NCOR2: variants seen among roughly 807,000 people sequenced by gnomAD.
The protein encoded by NCOR2 is CTG repeat protein 26.
In NCOR2, 81 loss-of-function variants were observed where a neutral mutation model predicts 262.9. The ratio of observed to expected loss-of-function variants is 0.31; its 90% CI spans 0.26 to 0.37. The LOEUF (loss-of-function observed/expected upper bound fraction) is 0.37, where lower values mean the gene tolerates loss of function less well. Ranked by LOEUF, NCOR2 falls within the 10% of genes least tolerant of loss-of-function variation. The pLI is 1.00. For synonymous variants in NCOR2, 1,659 were observed against 1,559.3 expected (o/e 1.06, Z -1.51); for missense variants, 3,385 against 3,621.4 (o/e 0.93, Z 1.68).
Position 124,483,531 on chromosome 12 carries a change from C to T in NCOR2, c.411+65G>A, listed in dbSNP as rs2047614655. On this transcript the variant is annotated intron_variant, in intron 3 of 46. Transcript: ENST00000405201. The surrounding 1 kb of genome is among the most constrained non-coding windows in gnomAD (Gnocchi z 6.3). ...CTGCACCCCTACCCACCACCTCCCA[C>T]CCAGCCCAACCAGCAGCAGAACCTC... The T allele has an allele frequency of 1.4e-6, 2 of 1,456,136 alleles. No individual in the cohort carries two copies. The highest frequency in any genetic ancestry group is 1.8e-6 in the Non-Finnish European group (2 of 1,099,756). The allele number at this position is 1,456,136 out of a possible 1,614,324, so 90.2% of individuals were successfully genotyped here.
intron 10 of NCOR2, among the ~76,000 whole-genome samples, chr12:124,427,155 G>T (rs1040626420): frequency 6.6e-6 from 1 of 152,178 alleles, no homozygotes; most frequent in African/African-American, 2.4e-5. Flanking sequence ...CAGGGAGCCC[G>T]GGAGACAGGC....
chr12:124,374,498 C>T (rs756898765), intron 18 of NCOR2, 35 bp from the exon 21 acceptor site: 91 of 1,602,608 alleles, frequency 5.7e-5, no homozygotes, highest in Non-Finnish European at 6.8e-5. Flanking sequence ...AGAAGTGAGG[C>T]AGCACCAAGT....
intron 1 of NCOR2, chr12:124,529,763 G>C (rs551995107): frequency 6.6e-6 from 1 of 152,206 alleles, no homozygotes; most frequent in Non-Finnish European, 1.5e-5. Context: ...AAATGTAATC[G>C]CATGTGCATT....
chr12:124,501,209 C>CCTCCA (rs2048714850), intron 1 of NCOR2, among the ~76,000 whole-genome samples: 1 of 152,084 alleles, frequency 6.6e-6, no homozygotes, highest in Non-Finnish European at 1.5e-5. Context: ...ACTGTCCCAG[C>CCTCCA]CTGGCCCTGC....
chr12:124,355,522 C>T (rs368708782), exon 24 of NCOR2: 69 of 1,602,166 alleles, frequency 4.3e-5, no homozygotes, highest in South Asian at 1.0e-4. Context: ...TGGGTGGGCG[C>T]GGCAGGACGG....
intron 34 of NCOR2, among the ~76,000 whole-genome samples, chr12:124,341,378 T>C (rs1702333): frequency 0.59 from 89,389 of 151,934 alleles, 28,485 homozygotes; most frequent in Non-Finnish European, 0.72. Context: ...TAGCTGGGAC[T>C]ACAGGTGCGC....
Position 124,531,596 on chromosome 12 carries a change from AGGAGGATGGCAGAGAGG to A in NCOR2, c.-118+3952_-118+3968del. On this transcript the variant is annotated intron_variant, in intron 1 of 46. Transcript: ENST00000404621. The surrounding 1 kb of genome is among the most constrained non-coding windows in gnomAD (Gnocchi z 4.5). The stretch of plus-strand genomic sequence containing the variant: ...AGCATCCAGGCTGGGAAGGAGAGAG[AGGAGGATGGCAGAGAGG>A]GAAGGGTGGTGGCGCAGACAGGGAA... Among the ~76,000 whole-genome samples the A allele has an allele frequency of 6.6e-6, 1 of 151,872 alleles. No individual in the cohort carries two copies. The highest frequency in any genetic ancestry group is 1.5e-5 in the Non-Finnish European group (1 of 67,882).
chr12:124,380,352 G>A (rs1269761077), intron 17 of NCOR2, among the ~76,000 whole-genome samples: 1 of 152,218 alleles, frequency 6.6e-6, no homozygotes, highest in Non-Finnish European at 1.5e-5. Context: ...TGGAACGCAG[G>A]GAGGAAAAGG....
chr12:124,490,376 G>T (rs79331681), intron 1 of NCOR2, among the ~76,000 whole-genome samples: 85 of 152,170 alleles, frequency 5.6e-4, no homozygotes, highest in African/African-American at 2.0e-3. Context: ...CCTGGAAGAG[G>T]ACGGGCCCGA....
intron 34 of NCOR2, among the ~76,000 whole-genome samples, chr12:124,341,566 C>T (rs2036461353): frequency 6.6e-6 from 1 of 152,202 alleles, no homozygotes; most frequent in South Asian, 2.1e-4. Context: ...CCTGAGGCCC[C>T]TGTATCCTAA....
intron 40 of NCOR2, chr12:124,334,917 C>G (rs2035745692): frequency 2.9e-6 from 2 of 684,134 alleles, no homozygotes; most frequent in South Asian, 3.8e-5. Context: ...CGGCTCGCAT[C>G]ACAGGCTCCT....
At chr12:124,325,825 C>T (rs2034582944) in intron 46 of NCOR2, among the ~76,000 whole-genome samples, 1 of 152,186 alleles carries the variant, frequency 6.6e-6, no homozygotes, top group Non-Finnish European at 1.5e-5. Context: ...ATTCACCGTC[C>T]CTCTGGTCTA....
chr12:124,518,498 G>A lies in NCOR2; in HGVS notation c.-118+17067C>T, dbSNP rs183986344. ...GCCCACCGGCGACAAGTGCGGGGCC[G>A]CCTGACCCCACGGCTGGGCCGTGAA... On this transcript the variant is annotated intron_variant, in intron 1 of 46. Transcript: ENST00000404621. Among the ~76,000 whole-genome samples, 3 of 152,342 alleles carry A rather than the reference G, an allele frequency of 2.0e-5. No individual in the cohort carries two copies. In the East Asian group the frequency reaches 5.8e-4, roughly 30 times the overall value.
At chr12:124,330,116 G>A (rs1486297607) in intron 44 of NCOR2, among the ~76,000 whole-genome samples, 1 of 152,200 alleles carries the variant, frequency 6.6e-6, no homozygotes, top group African/African-American at 2.4e-5. Flanking sequence ...CCTCCATCCT[G>A]GCCTCAGCTT....
chr12:124,387,379 C>G (rs1397487066), intron 16 of NCOR2, among the ~76,000 whole-genome samples: 1 of 152,232 alleles, frequency 6.6e-6, no homozygotes, highest in Non-Finnish European at 1.5e-5. Flanking sequence ...CCTTCAAAGA[C>G]TTGGTTCCGT....
chr12:124,521,392 A>G (rs1433078180), intron 1 of NCOR2, among the ~76,000 whole-genome samples: 1 of 152,208 alleles, frequency 6.6e-6, no homozygotes, highest in East Asian at 1.9e-4. Flanking sequence ...CTTAGATATC[A>G]AATGGTTCTA....
At chr12:124,478,844 G>A (rs1366506095) in intron 3 of NCOR2, among the ~76,000 whole-genome samples, 1 of 152,106 alleles carries the variant, frequency 6.6e-6, no homozygotes, top group Non-Finnish European at 1.5e-5. Flanking sequence ...TAGAGATAGA[G>A]GGACACAAAG....
chr12:124,349,854 G>A (rs2037286197), intron 28 of NCOR2, among the ~76,000 whole-genome samples: 1 of 152,112 alleles, frequency 6.6e-6, no homozygotes, highest in Non-Finnish European at 1.5e-5. Context: ...CAGGGCATGA[G>A]CTGGCACCCA....
intron 17 of NCOR2, among the ~76,000 whole-genome samples, chr12:124,384,052 GGAGA>G (rs1291290947): frequency 6.6e-6 from 1 of 152,168 alleles, no homozygotes. Flanking sequence ...GGCGGGGGGA[GGAGA>G]GAGAAAGTGA....
Sources: allele counts gnomAD v4.1 joint callset (sites outside exome capture counted in the v4.1 genomes callset), GRCh38; gene constraint gnomAD v4.1.1; non-coding constraint Gnocchi (gnomAD v3.1); transcripts MANE v1.5; gene names NCBI Gene and HGNC (gene_info 2026-07-23, HGNC 2026-07-21).